The following CD82 variants were observed in gnomAD, a reference collection of about 807,000 sequenced individuals.
CD82 encodes the protein CD82 molecule.
Under a neutral mutation model 37.4 loss-of-function variants are expected in CD82, and 36 were observed. The observed-to-expected ratio is 0.96, with a 90% CI of 0.74 to 1.27. The LOEUF (loss-of-function observed/expected upper bound fraction) is 1.27. Ranked by LOEUF, CD82 falls within the 50% of genes most tolerant of loss-of-function variation. CD82 has a pLI of 0.00. For synonymous variants in CD82, 158 were observed against 137.4 expected (o/e 1.15, Z -1.05); for missense variants, 340 against 347.0 (o/e 0.98, Z 0.16).
At chr11:44,577,744 G>T (rs990366250) in intron 1 of CD82, among the ~76,000 whole-genome samples, 2 of 152,170 alleles carry the variant, frequency 1.3e-5, no homozygotes, top group Non-Finnish European at 2.9e-5. Context: ...GGTGCCTGGG[G>T]GTTCATGGTA....
chr11:44,615,378 GGT>G lies in CD82; in HGVS notation c.438+7_438+8del, dbSNP rs1209204800. ...TGGGACTACGTGCAGGCTCAGGTGA[GGT>G]GGGGCGGGGCTGCAGGAGGCTCTCT... On this transcript the variant is annotated splice_donor_region_variant and intron_variant, in intron 7 of 9. Transcript: ENST00000227155. 1 of 1,587,696 alleles carries G rather than the reference GGT, an allele frequency of 6.3e-7. No homozygotes were observed. Among genetic ancestry groups the G allele is most frequent in the African/African-American group, 1.3e-5 (1 of 74,456 alleles).
chr11:44,614,655 CG>C (rs1026404301), intron 6 of CD82, among the ~76,000 whole-genome samples: 12 of 139,262 alleles, frequency 8.6e-5, no homozygotes, highest in Non-Finnish European at 1.7e-4. Context: ...TAAGGGAGGC[CG>C]GGGAGGGGTG....
At chr11:44,608,106 A>G (rs1467589809) in intron 6 of CD82, 3 of 152,176 alleles carry the variant, frequency 2.0e-5, no homozygotes, top group Non-Finnish European at 2.9e-5. Context: ...AATGAACAAT[A>G]TATTTTTTTC....
Position 44,578,742 on chromosome 11 carries a change from C to T in CD82, c.-102-8733C>T, listed in dbSNP as rs117724753. On this transcript the variant is annotated intron_variant, in intron 1 of 9. Coordinates refer to ENST00000227155, the MANE Select transcript of CD82 (RefSeq NM_002231.4). The stretch of plus-strand genomic sequence containing the variant: ...TGGCCCTGGGAAGAGGAGAGGCCGG[C>T]GGATGGCTAGGTCCAGGACTGGACC... 8.6e-4 allele frequency among the ~76,000 whole-genome samples: 131 copies of T among 152,248 alleles called. 1 individual carries two copies. In the East Asian group the frequency reaches 0.019, roughly 22 times the overall value.
chr11:44,598,863 T>C (rs1853267520), intron 3 of CD82, among the ~76,000 whole-genome samples: 1 of 152,218 alleles, frequency 6.6e-6, no homozygotes, highest in Non-Finnish European at 1.5e-5. Flanking sequence ...AACCCAGGGC[T>C]GTGATACAGG....
intron 4 of CD82, among the ~76,000 whole-genome samples, chr11:44,602,824 A>G (rs377583041): frequency 6.6e-6 from 1 of 152,126 alleles, no homozygotes; most frequent in Admixed American, 6.5e-5. Context: ...TGAGATACGG[A>G]GACCTCGCAG....
chr11:44,614,699 G>A (rs1853536117), intron 6 of CD82, among the ~76,000 whole-genome samples: 1 of 152,196 alleles, frequency 6.6e-6, no homozygotes, highest in Non-Finnish European at 1.5e-5. Context: ...GATGGGGAAG[G>A]GCTGATATTT....
intron 1 of CD82, among the ~76,000 whole-genome samples, chr11:44,578,382 T>C (rs1309492231): frequency 6.6e-6 from 1 of 152,146 alleles, no homozygotes; most frequent in Non-Finnish European, 1.5e-5. Flanking sequence ...ACGATGGTGT[T>C]GCCACATGTC....
At chr11:44,608,859 C>G (rs1853438402) in intron 6 of CD82, among the ~76,000 whole-genome samples, 1 of 152,246 alleles carries the variant, frequency 6.6e-6, no homozygotes, top group Non-Finnish European at 1.5e-5. Context: ...TGTCTCGAGC[C>G]GGAGCCCCCA....
At chr11:44,614,981 C>T (rs956882825) in intron 6 of CD82, among the ~76,000 whole-genome samples, 3 of 152,164 alleles carry the variant, frequency 2.0e-5, no homozygotes, top group Admixed American at 2.0e-4. Context: ...GGGACAATGA[C>T]GGTGGGAACT....
At position 44,619,779 on chromosome 11, in the gene CD82, A is replaced by C. The variant is rs938716733; in HGVS notation, c.*653A>C. The C allele has an allele frequency of 5.3e-5, 8 of 151,726 alleles. No individual in the cohort carries two copies. Among genetic ancestry groups the C allele is most frequent in the African/African-American group, 1.9e-4 (8 of 41,258 alleles). 9.4% of individuals were successfully genotyped at this position (151,726 alleles called of 1,614,324 possible). On this transcript the variant is annotated 3_prime_UTR_variant, in exon 10 of 10. Coordinates refer to ENST00000227155, the MANE Select transcript of CD82 (RefSeq NM_002231.4). ...ACTCCGTCTCAAAAAAAAAAAAAAA[A>C]AAAAAAAAAATTGGGGAGGGAAGGG...
At chr11:44,578,772 G>T (rs773277446) in intron 1 of CD82, among the ~76,000 whole-genome samples, 6 of 152,218 alleles carry the variant, frequency 3.9e-5, no homozygotes, top group Non-Finnish European at 8.8e-5. Context: ...TGGACCAGGG[G>T]GGATGGGGTC....
At chr11:44,567,862 T>C (rs1395101760) in intron 1 of CD82, among the ~76,000 whole-genome samples, 1 of 152,088 alleles carries the variant, frequency 6.6e-6, no homozygotes, top group African/African-American at 2.4e-5. Flanking sequence ...ACTGGGAAGA[T>C]TTCGGCAGCC....
At chr11:44,604,902 C>T (rs969847439) in intron 4 of CD82, 156 bp from the exon 5 acceptor site, 11 of 985,336 alleles carry the variant, frequency 1.1e-5, no homozygotes, top group Non-Finnish European at 1.7e-5. Flanking sequence ...ATGGGGGTGA[C>T]CTGGTTCCCT....
intron 1 of CD82, among the ~76,000 whole-genome samples, chr11:44,581,769 T>C (rs1480038296): frequency 6.6e-6 from 1 of 152,188 alleles, no homozygotes; most frequent in East Asian, 1.9e-4. Context: ...TCATGAGCTG[T>C]GTATTCTAAG....
At chr11:44,585,644 G>A (rs1007208760) in intron 1 of CD82, among the ~76,000 whole-genome samples, 3 of 152,214 alleles carry the variant, frequency 2.0e-5, no homozygotes, top group African/African-American at 4.8e-5. Context: ...GCAGATACCC[G>A]GCAGAGCCAG....
At position 44,597,895 on chromosome 11, in the gene CD82, T is replaced by G. The variant is rs1461551836; in HGVS notation, c.64-2263T>G. 6.6e-6 allele frequency among the ~76,000 whole-genome samples: 1 copy of G among 151,976 alleles called. No individual in the cohort carries two copies. Among genetic ancestry groups the G allele is most frequent in the Non-Finnish European group, 1.5e-5 (1 of 67,982 alleles). ...TCCCAGGTCCTGGAAAGCCCCCATT[T>G]CCCCCAGCTGTGCAAATTAAGGTGG... is the stretch of plus-strand genomic sequence containing the variant. On this transcript the variant is annotated intron_variant, in intron 3 of 9. Coordinates refer to ENST00000227155, the MANE Select transcript of CD82 (RefSeq NM_002231.4). This position sits in a 1 kb window ranked among gnomAD's most constrained non-coding sequence, Gnocchi z 4.1.
chr11:44,606,046 C>G (rs1347172252), intron 6 of CD82: 1 of 152,650 alleles, frequency 6.6e-6, no homozygotes, highest in Non-Finnish European at 1.5e-5. Flanking sequence ...CTCAGAGGCC[C>G]TGGTTCTGGC....
chr11:44,605,110 G>A lies in CD82; in HGVS notation c.189G>A (p.Gly63=). The change falls in exon 5 of 10, where the codon GGG becomes GGA. Residue 63 remains glycine (G), a synonymous_variant. Coordinates refer to ENST00000227155, the MANE Select transcript of CD82 (RefSeq NM_002231.4). ...RMGAYVFIGV[G]AVTMLMGFLG... ...GGGCCTATGTCTTCATCGGCGTGGG[G>A]GCAGTCACTATGCTCATGGGCTTCC... 6.2e-7 allele frequency: 1 copy of A among 1,614,216 alleles called. No homozygotes were observed. The highest frequency in any genetic ancestry group is 8.5e-7 in the Non-Finnish European group (1 of 1,180,038).
Sources: allele counts gnomAD v4.1 joint callset (sites outside exome capture counted in the v4.1 genomes callset), GRCh38; gene constraint gnomAD v4.1.1; non-coding constraint Gnocchi (gnomAD v3.1); transcripts MANE v1.5; gene names NCBI Gene and HGNC (gene_info 2026-07-23, HGNC 2026-07-21).